The following KCNIP4 variants were observed in gnomAD, a reference collection of about 807,000 sequenced individuals.
KCNIP4 encodes Kv channel-interacting protein 4.
In KCNIP4, 12 loss-of-function variants were observed where a neutral mutation model predicts 34.0. The ratio of observed to expected loss-of-function variants is 0.35; its 90% CI spans 0.23 to 0.57. The LOEUF is 0.57. Ranked by LOEUF, KCNIP4 falls within the 20% of genes least tolerant of loss-of-function variation. The probability of loss-of-function intolerance (pLI) is 0.83; values close to 1 mark genes in which losing one functional copy is unlikely to be tolerated. For missense variants in KCNIP4, 238 were observed against 311.7 expected (o/e 0.76, Z 1.78); for synonymous variants, 124 against 102.2 (o/e 1.21, Z -1.29).
chr4:21,514,299 T>A (rs773024269), intron 1 of KCNIP4, among the ~76,000 whole-genome samples: 1 of 152,184 alleles, frequency 6.6e-6, no homozygotes, highest in Non-Finnish European at 1.5e-5. Flanking sequence ...TTTAGTAACA[T>A]TTCCCAAGGA....
At chr4:21,340,150 CT>C (rs571948516) in intron 1 of KCNIP4, among the ~76,000 whole-genome samples, 65 of 152,126 alleles carry the variant, frequency 4.3e-4, no homozygotes, top group Admixed American at 1.3e-3. Flanking sequence ...ATTTTTCCCC[CT>C]AATCGGTGAG....
chr4:21,320,235 G>A (rs1389872890), intron 1 of KCNIP4, among the ~76,000 whole-genome samples: 5 of 152,184 alleles, frequency 3.3e-5, no homozygotes, highest in African/African-American at 9.7e-5. Flanking sequence ...AGCAGAGTTT[G>A]GAGGGAACAG....
At position 21,116,351 on chromosome 4, in the gene KCNIP4, A is replaced by ATTCG. The variant is rs529720896; in HGVS notation, c.62-233646_62-233643dup. Among the ~76,000 whole-genome samples the ATTCG allele has an allele frequency of 2.8e-4, 42 of 152,158 alleles. No homozygotes were observed. The South Asian group carries it at 8.1e-3, about 29-fold the overall frequency. ...GCTTTCTTAGGCTGTTGGTTTCCTA[A>ATTCG]TTCGTTCATTCATTCATTCTTCATT... On this transcript the variant is annotated intron_variant, in intron 1 of 8. Coordinates refer to ENST00000382152, the MANE Select transcript of KCNIP4 (RefSeq NM_025221.6).
intron 1 of KCNIP4, among the ~76,000 whole-genome samples, chr4:21,792,616 C>T (rs139915683): frequency 1.3e-5 from 2 of 152,224 alleles, no homozygotes; most frequent in Admixed American, 6.5e-5. Context: ...GGGTGGAGGT[C>T]GGAGGAAGTT....
At chr4:20,997,641 C>T (rs1461779643) in intron 1 of KCNIP4, among the ~76,000 whole-genome samples, 1 of 152,150 alleles carries the variant, frequency 6.6e-6, no homozygotes, top group Non-Finnish European at 1.5e-5. Context: ...GAGGGCTGCC[C>T]TTAGCATGCT....
chr4:20,862,238 C>T (rs947333256), intron 2 of KCNIP4, among the ~76,000 whole-genome samples: 2 of 152,088 alleles, frequency 1.3e-5, no homozygotes, highest in Admixed American at 6.6e-5. Context: ...ATCCACCTGC[C>T]TCTGCCTCCC....
chr4:21,146,987 T>C (rs970030894), intron 1 of KCNIP4, among the ~76,000 whole-genome samples: 5 of 152,130 alleles, frequency 3.3e-5, no homozygotes, highest in Non-Finnish European at 7.4e-5. Context: ...GTGGGGGGCA[T>C]ATATTTATAT....
At chr4:21,194,636 A>C (rs1577867826) in intron 1 of KCNIP4, among the ~76,000 whole-genome samples, 1 of 152,208 alleles carries the variant, frequency 6.6e-6, no homozygotes, top group African/African-American at 2.4e-5. Context: ...GAAGTGGCAT[A>C]GTCTTTTTCC....
Position 21,295,964 on chromosome 4 carries a change from A to G in KCNIP4, c.62-413255T>C, listed in dbSNP as rs150670115. Among the ~76,000 whole-genome samples, 469 of 152,142 alleles carry G rather than the reference A, an allele frequency of 3.1e-3. 4 individuals are homozygous for G. Among genetic ancestry groups the G allele is most frequent in the African/African-American group, 0.011 (436 of 41,462 alleles). On this transcript the variant is annotated intron_variant, in intron 1 of 8. Transcript: ENST00000382152. ...TGAATGAATGAAATCCACTACAACT[A>G]CTTTGATTCTTATTTTTGTAGCATT...
chr4:21,258,294 C>A (rs75801703), intron 1 of KCNIP4, among the ~76,000 whole-genome samples: 1 of 152,162 alleles, frequency 6.6e-6, no homozygotes, highest in East Asian at 1.9e-4. Context: ...CTGATACTAC[C>A]GAGTAAACAG....
intron 1 of KCNIP4, among the ~76,000 whole-genome samples, chr4:21,373,476 G>A (rs1720686438): frequency 6.8e-6 from 1 of 147,168 alleles, no homozygotes. Flanking sequence ...CTAGTGTTTG[G>A]TTTTCTCAGC....
chr4:20,978,050 C>CG (rs1190496311), intron 1 of KCNIP4, among the ~76,000 whole-genome samples: 1 of 152,136 alleles, frequency 6.6e-6, no homozygotes, highest in Admixed American at 6.5e-5. Flanking sequence ...TAAATCTAAA[C>CG]GTTTTTCCAG....
At chr4:21,066,601 T>C (rs573726979) in intron 1 of KCNIP4, among the ~76,000 whole-genome samples, 149 of 152,016 alleles carry the variant, frequency 9.8e-4, no homozygotes, top group Non-Finnish European at 1.8e-3. Context: ...AATGCAGTGA[T>C]TGTGAGACTT....
intron 2 of KCNIP4, among the ~76,000 whole-genome samples, chr4:20,859,936 G>A (rs1722014267): frequency 6.6e-6 from 1 of 152,170 alleles, no homozygotes; most frequent in Non-Finnish European, 1.5e-5. Context: ...TGTGTGCAGA[G>A]ATGAGTCCTT....
chr4:21,084,855 C>A lies in KCNIP4; in HGVS notation c.62-202146G>T, dbSNP rs146815504. Reference sequence around the variant, plus strand: ...TGAAGCCTTATCCAAATATATGATTCCTCTACTAAATGCATGAATACATAA... The same window carrying A: ...TGAAGCCTTATCCAAATATATGATTACTCTACTAAATGCATGAATACATAA... On this transcript the variant is annotated intron_variant, in intron 1 of 8. Coordinates refer to ENST00000382152, the MANE Select transcript of KCNIP4 (RefSeq NM_025221.6). 2.9e-4 allele frequency among the ~76,000 whole-genome samples: 44 copies of A among 151,496 alleles called. No individual in the cohort carries two copies. The East Asian group carries it at 8.3e-3, about 29-fold the overall frequency.
intron 1 of KCNIP4, among the ~76,000 whole-genome samples, chr4:20,985,229 A>G (rs1736462919): frequency 6.6e-6 from 1 of 152,164 alleles, no homozygotes; most frequent in Non-Finnish European, 1.5e-5. Context: ...AACCACTCTA[A>G]TAACAGGTCC....
chr4:21,634,238 A>C (rs1745967531), intron 1 of KCNIP4, among the ~76,000 whole-genome samples: 1 of 151,328 alleles, frequency 6.6e-6, no homozygotes, highest in African/African-American at 2.4e-5. Context: ...AAAAAAAAAA[A>C]AAAAAAAAAC....
At chr4:21,526,962 G>A (rs1736022990) in intron 1 of KCNIP4, among the ~76,000 whole-genome samples, 1 of 152,132 alleles carries the variant, frequency 6.6e-6, no homozygotes, top group South Asian at 2.1e-4. Context: ...TTTTAATAGT[G>A]TTTTCAGGGA....
At chr4:21,184,627 C>T (rs770049117) in intron 1 of KCNIP4, among the ~76,000 whole-genome samples, 9 of 152,258 alleles carry the variant, frequency 5.9e-5, no homozygotes, top group East Asian at 3.9e-4. Context: ...CACTTAGGTT[C>T]GTTCTCTGCC....
Sources: gnomAD v4.1 joint callset for allele counts (sites outside exome capture counted in the v4.1 genomes callset) on GRCh38, gnomAD v4.1.1 for gene constraint, MANE v1.5 for transcripts, NCBI Gene and HGNC (gene_info 2026-07-23, HGNC 2026-07-21) for gene names.